EFHC1: variants seen among roughly 807,000 people sequenced by gnomAD.
EFHC1 encodes the protein EF-hand domain-containing protein 1.
EFHC1 carries 53 observed loss-of-function variants against 69.9 expected under a neutral mutation model. The ratio of observed to expected loss-of-function variants is 0.76; its 90% CI spans 0.61 to 0.95. The LOEUF (loss-of-function observed/expected upper bound fraction) is 0.95, where lower values mean the gene tolerates loss of function less well. Among genes scored for constraint, EFHC1 ranks in the 40% least tolerant of loss-of-function variants. The probability of loss-of-function intolerance (pLI) is 0.00; values close to 1 mark genes in which losing one functional copy is unlikely to be tolerated. For missense variants in EFHC1, 739 were observed against 798.7 expected, an observed-to-expected ratio of 0.93 and a Z score of 0.90; for synonymous variants, 256 against 278.4, an observed-to-expected ratio of 0.92 and a Z score of 0.80.
Position 52,453,055 on chromosome 6 carries a change from C to T in EFHC1, c.723+218C>T, listed in dbSNP as rs531012436. ...AGATCCAAAGAAGATCGTGGAGTTGCGGAGTTGTTTTGTGAACCTCACCAA... is the reference window on the plus strand; with the variant it reads ...AGATCCAAAGAAGATCGTGGAGTTGTGGAGTTGTTTTGTGAACCTCACCAA... On this transcript the variant is annotated intron_variant, in intron 4 of 10. Coordinates refer to ENST00000371068, the MANE Select transcript of EFHC1 (RefSeq NM_018100.4). 117 of 1,508,562 alleles carry T rather than the reference C, an allele frequency of 7.8e-5. No individual in the cohort carries two copies. The African/African-American group carries it at 8.8e-4, about 11-fold the overall frequency. The allele number at this position is 1,508,562 out of a possible 1,614,324, so 93.4% of individuals were successfully genotyped here. A position where few individuals can be genotyped will look rare whatever the true frequency, so the allele number is the denominator to read the frequency against.
intron 3 of EFHC1, among the ~76,000 whole-genome samples, chr6:52,443,829 T>G (rs984674181): frequency 2.6e-5 from 4 of 152,224 alleles, no homozygotes; most frequent in African/African-American, 9.6e-5. Context: ...GTGAAGAAAG[T>G]CATTGGTAGC....
At chr6:52,453,391 A>C (rs2113994863) in intron 4 of EFHC1, 3 of 1,287,206 alleles carry the variant, frequency 2.3e-6, no homozygotes, top group Middle Eastern at 3.3e-4. Flanking sequence ...GATGTGTATA[A>C]GCAGATTTAA....
chr6:52,497,155 A>AAAG lies in EFHC1; in HGVS notation c.*4816_*4818dup, dbSNP rs1491151758. The AAAG allele has an allele frequency of 3.3e-5, 5 of 151,612 alleles. No homozygotes were observed. Among genetic ancestry groups the AAAG allele is most frequent in the African/African-American group, 1.2e-4 (5 of 40,924 alleles). The allele number at this position is 151,612 out of a possible 1,614,324, so 9.4% of individuals were successfully genotyped here. ...AAAACCTCTTTTCCACTTTACTATTAAAGAGTCAAATAAAAATGATGCTTA... is the reference window on the plus strand; with the variant it reads ...AAAACCTCTTTTCCACTTTACTATTAAAGAAGAGTCAAATAAAAATGATGCTTA... On this transcript the variant is annotated 3_prime_UTR_variant, in exon 11 of 11. Transcript: ENST00000371068.
At chr6:52,491,006 T>C (rs1416294480) in intron 10 of EFHC1, 2 of 152,342 alleles carry the variant, frequency 1.3e-5, no homozygotes, top group South Asian at 2.1e-4. Flanking sequence ...ATTAAAAATA[T>C]TGAGATTCTG....
At position 52,454,502 on chromosome 6, in the gene EFHC1, A is replaced by C. The variant is rs536459784; in HGVS notation, c.916+215A>C. On this transcript the variant is annotated intron_variant, in intron 5 of 10. Transcript: ENST00000371068. ...GTCTGGTACCCAGGTCAAGGAAACA[A>C]AACCAAAACAACAGTGGGAGATTTA... 3.0e-4 allele frequency among the ~76,000 whole-genome samples: 45 copies of C among 152,280 alleles called. 1 individual carries two copies. The South Asian group carries it at 7.1e-3, about 24-fold the overall frequency.
At chr6:52,434,657 G>A (rs999571906) in intron 2 of EFHC1, among the ~76,000 whole-genome samples, 2 of 152,010 alleles carry the variant, frequency 1.3e-5, no homozygotes, top group African/African-American at 2.4e-5. Flanking sequence ...GCCTTCACAC[G>A]CTGCTCTGCC....
chr6:52,469,594 A>G (rs1332325858), intron 7 of EFHC1, 121 bp downstream of exon 7: 3 of 1,405,172 alleles, frequency 2.1e-6, no homozygotes, highest in Non-Finnish European at 3.0e-6. Flanking sequence ...TCAACCAACC[A>G]TTGTATCTAG....
chr6:52,479,583 C>T (rs1765625894), intron 8 of EFHC1, 57 bp from the exon 9 acceptor site: 1 of 1,610,880 alleles, frequency 6.2e-7, no homozygotes, highest in Non-Finnish European at 8.5e-7. Context: ...TACTATTTTA[C>T]TCCTGATTGC....
chr6:52,490,617 G>A (rs1464475198), intron 10 of EFHC1: 3 of 588,840 alleles, frequency 5.1e-6, no homozygotes, highest in Non-Finnish European at 9.0e-6. Context: ...GACTGAAGAA[G>A]GGCAACAGAG....
At chr6:52,463,771 C>G (rs1765229144) in intron 5 of EFHC1, among the ~76,000 whole-genome samples, 1 of 152,190 alleles carries the variant, frequency 6.6e-6, no homozygotes. Flanking sequence ...TAATCACAAG[C>G]TATGTCCCTC....
chr6:52,420,393 G>C lies in EFHC1; in HGVS notation c.-18G>C, dbSNP rs779269155. 5.0e-6 allele frequency: 8 copies of C among 1,614,132 alleles called. No individual in the cohort carries two copies. The highest frequency in any genetic ancestry group is 1.1e-5 in the South Asian group (1 of 91,094). ...AGGACGAAGCAGGACCTAGGTGGCG[G>C]CGGTGGTACCGGCTGCAATGGTGTC... On this transcript the variant is annotated 5_prime_UTR_variant, in exon 1 of 11. Transcript: ENST00000371068.
At chr6:52,431,879 A>G (rs1189918674) in intron 2 of EFHC1, among the ~76,000 whole-genome samples, 1 of 152,108 alleles carries the variant, frequency 6.6e-6, no homozygotes, top group Non-Finnish European at 1.5e-5. Context: ...TGGGTGCTCC[A>G]GTGTTAGGTG....
At chr6:52,477,106 C>A (rs554164652) in intron 7 of EFHC1, among the ~76,000 whole-genome samples, 1 of 151,294 alleles carries the variant, frequency 6.6e-6, no homozygotes, top group Non-Finnish European at 1.5e-5. Flanking sequence ...TTACCATTGT[C>A]CCCCCCAACC....
intron 9 of EFHC1, chr6:52,482,549 T>C (rs1765703346): frequency 2.8e-6 from 1 of 359,680 alleles, no homozygotes; most frequent in African/African-American, 2.1e-5. Context: ...GTATAACTTA[T>C]GATGCAGACT....
intron 3 of EFHC1, among the ~76,000 whole-genome samples, chr6:52,446,207 A>T (rs1049987777): frequency 1.3e-5 from 2 of 152,164 alleles, no homozygotes; most frequent in African/African-American, 4.8e-5. Flanking sequence ...GTCTCTTTGT[A>T]TGTCACTAAG....
chr6:52,453,483 C>T, intron 4 of EFHC1: 3 of 1,287,106 alleles, frequency 2.3e-6, no homozygotes, highest in South Asian at 1.2e-5. Context: ...TTTCTTTAGA[C>T]ATTTAACCCC....
chr6:52,473,111 A>G (rs1765473534), intron 7 of EFHC1, among the ~76,000 whole-genome samples: 2 of 152,348 alleles, frequency 1.3e-5, no homozygotes, highest in South Asian at 4.1e-4. Context: ...GAGCAAGATC[A>G]GTGGATTTTG....
intron 1 of EFHC1, chr6:52,421,188 T>TC (rs1764183972): frequency 2.8e-6 from 1 of 361,394 alleles, no homozygotes; most frequent in Non-Finnish European, 3.9e-6. Flanking sequence ...TTGCGGGTTT[T>TC]CCCCAAAACT....
Position 52,453,273 on chromosome 6 carries a change from C to T in EFHC1, c.723+436C>T, listed in dbSNP as rs765080737. ...TAAAATGTTTAATTTCACAGAAGCC[C>T]CACTACAGATGCTTCCTTGTTAAAT... On this transcript the variant is annotated intron_variant, in intron 4 of 10. Coordinates refer to ENST00000371068, the MANE Select transcript of EFHC1 (RefSeq NM_018100.4). 12 of 1,287,844 alleles carry T rather than the reference C, an allele frequency of 9.3e-6. No individual in the cohort carries two copies. The South Asian group carries it at 1.5e-4, about 16-fold the overall frequency. 79.8% of individuals were successfully genotyped at this position (1,287,844 alleles called of 1,614,324 possible). A position where few individuals can be genotyped will look rare whatever the true frequency, so the allele number is the denominator to read the frequency against.
Sources: allele counts gnomAD v4.1 joint callset (sites outside exome capture counted in the v4.1 genomes callset), GRCh38; gene constraint gnomAD v4.1.1; transcripts MANE v1.5; gene names NCBI Gene and HGNC (gene_info 2026-07-23, HGNC 2026-07-21).